RAB33A: variants seen among roughly 807,000 people sequenced by gnomAD.
RAB33A encodes ras-related protein Rab-33A.
In RAB33A, 6 loss-of-function variants were observed where a neutral mutation model predicts 12.0. The ratio of observed to expected loss-of-function variants is 0.50; its 90% CI spans 0.27 to 0.99. RAB33A has a LOEUF of 0.99. RAB33A is among the 50% of genes least tolerant of loss of function. RAB33A has a pLI of 0.11. For missense variants in RAB33A, 109 were observed against 192.0 expected (o/e 0.57, Z 2.55); for synonymous variants, 70 against 82.4 (o/e 0.85, Z 0.81).
the RAB33A span, among the ~76,000 whole-genome samples, chrX:130,120,074 T>C: frequency 2.7e-5 from 3 of 111,442 alleles, no homozygotes; most frequent in African/African-American, 9.8e-5. Context: ...AGCCACCTCA[T>C]AACCACCAAG....
the RAB33A span, among the ~76,000 whole-genome samples, chrX:130,142,522 A>G: frequency 9.0e-6 from 1 of 111,685 alleles, no homozygotes; most frequent in South Asian, 3.8e-4. Context: ...GTCCCATCCA[A>G]TAGGTCCCAC....
At chrX:130,115,313 C>T in the RAB33A span, among the ~76,000 whole-genome samples, 2 of 111,767 alleles carry the variant, frequency 1.8e-5, no homozygotes, top group Non-Finnish European at 1.9e-5. Context: ...TGGACACATA[C>T]TAGAAAAGTT....
At chrX:130,134,110 G>A in the RAB33A span, among the ~76,000 whole-genome samples, 1 of 110,188 alleles carries the variant, frequency 9.1e-6, no homozygotes. Context: ...GGTGGCAAGC[G>A]CCTGTAATCC....
the RAB33A span, among the ~76,000 whole-genome samples, chrX:130,118,061 A>G: frequency 8.9e-6 from 1 of 112,349 alleles, no homozygotes; most frequent in South Asian, 3.6e-4. Flanking sequence ...CCTCAGATGG[A>G]GAAGAGACCC....
chrX:130,125,586 C>T, the RAB33A span, among the ~76,000 whole-genome samples: 2 of 107,990 alleles, frequency 1.9e-5, no homozygotes, highest in South Asian at 4.1e-4. Flanking sequence ...CAGGGAAGGA[C>T]GTACAGAAGG....
the RAB33A span, chrX:130,136,264 C>A: frequency 3.6e-6 from 4 of 1,109,904 alleles, no homozygotes; most frequent in African/African-American, 5.4e-5. Flanking sequence ...GCCCTTCATG[C>A]CATTAAGAAT....
At chrX:130,155,270 G>A in the RAB33A span, 2 of 1,210,536 alleles carry the variant, frequency 1.7e-6, no homozygotes, top group South Asian at 3.5e-5. Context: ...GGGATCCTAG[G>A]TGATGAGACT....
the RAB33A span, chrX:130,136,762 C>G: frequency 8.5e-7 from 1 of 1,172,368 alleles, no homozygotes; most frequent in Non-Finnish European, 1.2e-6. Context: ...TGAGAGTGAG[C>G]CTACAAGGCT....
upstream of RAB33A, among the ~76,000 whole-genome samples, chrX:130,168,593 G>A (rs144364984): frequency 2.1e-3 from 238 of 111,001 alleles, no homozygotes; most frequent in African/African-American, 6.6e-3. Flanking sequence ...GTCTCATTAC[G>A]TTGCCCAGGC....
chrX:130,145,430 G>A, the RAB33A span: 1 of 956,066 alleles, frequency 1.0e-6, no homozygotes, highest in Admixed American at 2.2e-5. Flanking sequence ...CATACTGGCT[G>A]GTGGGCAAGT....
chrX:130,129,674 G>T, the RAB33A span: 1 of 1,117,178 alleles, frequency 9.0e-7, no homozygotes. Context: ...ACTCCATTGC[G>T]TTCAGGCCAT....
chrX:130,138,350 A>G, the RAB33A span, among the ~76,000 whole-genome samples: 1 of 111,027 alleles, frequency 9.0e-6, no homozygotes, highest in Non-Finnish European at 1.9e-5. Flanking sequence ...CTGTAGTCCC[A>G]GCTACTCGGG....
At chrX:130,151,373 T>TCA in the RAB33A span, among the ~76,000 whole-genome samples, 1 of 111,040 alleles carries the variant, frequency 9.0e-6, no homozygotes, top group African/African-American at 3.3e-5. Flanking sequence ...ACTCCTGACC[T>TCA]TGTGATCCAC....
upstream of RAB33A, chrX:130,171,824 G>C (rs1230527305): frequency 2.5e-6 from 1 of 394,411 alleles, no homozygotes; most frequent in African/African-American, 2.6e-5. Context: ...TTTTGTGTTG[G>C]TGCCTCCGAG....
the RAB33A span, among the ~76,000 whole-genome samples, chrX:130,164,167 CAAA>C: frequency 2.9e-3 from 219 of 74,839 alleles, 1 homozygote; most frequent in African/African-American, 8.2e-3. Context: ...GACTCCGTCT[CAAA>C]AAAAAAAAAA....
At chrX:130,178,723 C>T (rs1342976449) in intron 1 of RAB33A, among the ~76,000 whole-genome samples, 8 of 109,913 alleles carry the variant, frequency 7.3e-5, no homozygotes, top group African/African-American at 1.7e-4. Context: ...GCCATCTCGA[C>T]TCACTGCAAG....
In RAB33A at chrX:130,179,276, T is replaced by C. The variant is rs1401243231; in HGVS notation, c.259-5009T>C. ...GGCAGTTCCGGCAATTTGGGCGGCA[T>C]ACGCAATTATGAAGCCAAAGAAAAG... On this transcript the variant is annotated intron_variant, in intron 1 of 1. Coordinates refer to ENST00000257017, the MANE Select transcript of RAB33A (RefSeq NM_004794.3). Among the ~76,000 whole-genome samples the C allele has an allele frequency of 4.5e-5, 5 of 111,846 alleles. No homozygotes were observed. In the East Asian group the frequency reaches 1.1e-3, roughly 25 times the overall value.
chrX:130,158,805 T>A, the RAB33A span, among the ~76,000 whole-genome samples: 4 of 109,949 alleles, frequency 3.6e-5, no homozygotes, highest in African/African-American at 1.3e-4. Flanking sequence ...ACAAGCTTAG[T>A]CTAGAGGCTG....
chrX:130,113,174 G>A, the RAB33A span, among the ~76,000 whole-genome samples: 1 of 87,658 alleles, frequency 1.1e-5, no homozygotes, highest in Non-Finnish European at 2.1e-5. Flanking sequence ...TCCACCTCCC[G>A]GGTTCATGCC....
Sources: allele counts gnomAD v4.1 joint callset (sites outside exome capture counted in the v4.1 genomes callset), GRCh38; gene constraint gnomAD v4.1.1; transcripts MANE v1.5; gene names NCBI Gene and HGNC (gene_info 2026-07-23, HGNC 2026-07-21).